CCDC136: variants seen among roughly 807,000 people sequenced by gnomAD.
The protein encoded by CCDC136 is coiled-coil domain containing 136, also known as coiled-coil domain-containing protein 136.
Under a neutral mutation model 141.2 loss-of-function variants are expected in CCDC136, and 100 were observed. That is an observed-to-expected ratio of 0.71 (90% CI 0.60 to 0.84). The LOEUF (loss-of-function observed/expected upper bound fraction) is 0.84, where lower values mean the gene tolerates loss of function less well. Among genes scored for constraint, CCDC136 ranks in the 40% least tolerant of loss-of-function variants. The probability of loss-of-function intolerance (pLI) is 0.00; values close to 1 mark genes in which losing one functional copy is unlikely to be tolerated. For synonymous variants in CCDC136, 474 were observed against 531.9 expected, an observed-to-expected ratio of 0.89 and a Z score of 1.50; for missense variants, 1,206 against 1,379.4, an observed-to-expected ratio of 0.87 and a Z score of 1.99.
intron 4 of CCDC136, 50 bp downstream of exon 4, chr7:128,801,559 T>A: frequency 7.8e-7 from 1 of 1,279,882 alleles, no homozygotes; most frequent in Non-Finnish European, 1.1e-6. Flanking sequence ...GGAAAGGAGA[T>A]AATATATAGG....
Position 128,807,550 on chromosome 7 carries a change from T to C in CCDC136, c.1605+5T>C. ...AAAGGAAAGTGTGCTAATAAGGTAA[T>C]TGTCGTTCAGAGAGGTGACAGCTCC... On this transcript the variant is annotated splice_donor_5th_base_variant and intron_variant, in intron 10 of 17. Coordinates refer to ENST00000297788, the MANE Select transcript of CCDC136 (RefSeq NM_022742.5). The C allele has an allele frequency of 7.2e-7, 1 of 1,390,050 alleles. No homozygotes were observed. The highest frequency in any genetic ancestry group is 9.5e-7 in the Non-Finnish European group (1 of 1,056,272). The allele number at this position is 1,390,050 out of a possible 1,614,324, so 86.1% of individuals were successfully genotyped here. A position where few individuals can be genotyped will look rare whatever the true frequency, so the allele number is the denominator to read the frequency against.
chr7:128,818,371 TC>T (rs1242657969), intron 17 of CCDC136: 1 of 158,878 alleles, frequency 6.3e-6, no homozygotes, highest in Non-Finnish European at 1.4e-5. Context: ...AGAGCTCTGA[TC>T]CTCATGATCC....
chr7:128,812,602 C>A (rs1052985799), intron 13 of CCDC136, 106 bp from the exon 14 acceptor site: 5 of 897,576 alleles, frequency 5.6e-6, no homozygotes, highest in Non-Finnish European at 8.9e-6. Flanking sequence ...GCGGGCATCT[C>A]TGGATCCTGG....
At chr7:128,803,402 C>G (rs890686927) in intron 4 of CCDC136, among the ~76,000 whole-genome samples, 2 of 152,148 alleles carry the variant, frequency 1.3e-5, no homozygotes, top group Non-Finnish European at 2.9e-5. Flanking sequence ...TGTACTCCCA[C>G]CACTTTGGGA....
chr7:128,811,321 C>A (rs987652879), intron 12 of CCDC136: 5 of 456,692 alleles, frequency 1.1e-5, no homozygotes, highest in African/African-American at 1.0e-4. Flanking sequence ...AGGCCAGATT[C>A]AGAATTGGGG....
At chr7:128,814,482 C>A (rs1259611284) in intron 14 of CCDC136, among the ~76,000 whole-genome samples, 156 bp from the exon 15 acceptor site, 1 of 152,160 alleles carries the variant, frequency 6.6e-6, no homozygotes, top group Non-Finnish European at 1.5e-5. Flanking sequence ...TCATTTTCCA[C>A]CGTTGAATAT....
At position 128,801,382 on chromosome 7, in the gene CCDC136, A is replaced by T. The variant is rs1226348840; in HGVS notation, c.543A>T (p.Glu181Asp). The T allele has an allele frequency of 6.2e-7, 1 of 1,613,502 alleles. No homozygotes were observed. The highest frequency in any genetic ancestry group is 8.5e-7 in the Non-Finnish European group (1 of 1,179,692). The change falls in exon 4 of 18, where the codon GAA becomes GAT. Residue 181 changes from glutamate to aspartate, a missense_variant. Transcript: ENST00000297788. ...LQEDLCRMQN[E>D]LEDMERIRGD... ...AGGATCTCTGCCGGATGCAGAATGA[A>T]CTTGAAGACATGGAACGCATTCGGG...
intron 4 of CCDC136, among the ~76,000 whole-genome samples, chr7:128,802,883 TG>T (rs1804257516): frequency 6.6e-6 from 1 of 152,226 alleles, no homozygotes; most frequent in Non-Finnish European, 1.5e-5. Flanking sequence ...TTAAATGAAA[TG>T]TGAAGCATGT....
At chr7:128,799,725 G>A (rs1326705082) in intron 3 of CCDC136, among the ~76,000 whole-genome samples, 1 of 152,120 alleles carries the variant, frequency 6.6e-6, no homozygotes, top group Non-Finnish European at 1.5e-5. Flanking sequence ...GGGGGAAGGG[G>A]ATGGGAGAAT....
At chr7:128,809,281 A>G (rs532057016) in intron 10 of CCDC136, 169 bp from the exon 11 acceptor site, 76 of 573,086 alleles carry the variant, frequency 1.3e-4, no homozygotes, top group East Asian at 1.1e-3. Context: ...GGGATCCCCA[A>G]TCGGTATCTA....
upstream of CCDC136, chr7:128,791,901 T>G: frequency 2.0e-6 from 1 of 500,378 alleles, no homozygotes. The surrounding 1 kb of genome is among the most constrained non-coding windows in gnomAD (Gnocchi z 7.1). Context: ...AGCGAGAGAA[T>G]GGGAGGAGAG....
In CCDC136 at chr7:128,813,334, C is replaced by T. The variant is rs551664055; in HGVS notation, c.2763+405C>T. Among the ~76,000 whole-genome samples, 39 of 152,298 alleles carry T rather than the reference C, an allele frequency of 2.6e-4. No homozygotes were observed. The East Asian group carries it at 2.7e-3, about 11-fold the overall frequency. ...CAGGGACATGTCTCCTTTTGGATCG[C>T]TCACAATGCCAAGAAGAGTGCTCTG... is the stretch of plus-strand genomic sequence containing the variant. On this transcript the variant is annotated intron_variant, in intron 14 of 17. Transcript: ENST00000297788.
At chr7:128,818,042 A>C in intron 17 of CCDC136, 178 bp downstream of exon 17, 1 of 591,900 alleles carries the variant, frequency 1.7e-6, no homozygotes. Context: ...AAAGCCTCTG[A>C]CATCTCTGAG....
chr7:128,791,636 G>A, upstream of CCDC136: 1 of 870,706 alleles, frequency 1.1e-6, no homozygotes. This position sits in a 1 kb window ranked among gnomAD's most constrained non-coding sequence, Gnocchi z 7.1. Flanking sequence ...AGGTGCTCCC[G>A]GCCTCCGCGG....
At chr7:128,810,445 C>A in intron 12 of CCDC136, 79 bp downstream of exon 12, 1 of 1,068,856 alleles carries the variant, frequency 9.4e-7, no homozygotes, top group South Asian at 1.5e-5. Flanking sequence ...GCCGAAGGGT[C>A]AGAGTTGGGA....
chr7:128,805,277 A>G lies in CCDC136; in HGVS notation c.783-82A>G. 8.2e-7 allele frequency: 1 copy of G among 1,216,650 alleles called. No individual in the cohort carries two copies. Among genetic ancestry groups the G allele is most frequent in the Non-Finnish European group, 1.2e-6 (1 of 840,560 alleles). 75.4% of individuals were successfully genotyped at this position (1,216,650 alleles called of 1,614,324 possible). ...CCCTTACTATCTTTGGCCTAAAATG[A>G]AGGTATCAGGACAAAGCCTGCATGG... On this transcript the variant is annotated intron_variant, in intron 5 of 17. Coordinates refer to ENST00000297788, the MANE Select transcript of CCDC136 (RefSeq NM_022742.5). The surrounding 1 kb of genome is among the most constrained non-coding windows in gnomAD (Gnocchi z 4.6).
chr7:128,813,141 C>G (rs939663674), intron 14 of CCDC136, among the ~76,000 whole-genome samples: 4 of 152,238 alleles, frequency 2.6e-5, no homozygotes, highest in Admixed American at 2.0e-4. Flanking sequence ...AATGATTTCT[C>G]TCTTTCTCCC....
At chr7:128,808,252 G>A (rs1225580179) in intron 10 of CCDC136, among the ~76,000 whole-genome samples, 4 of 152,162 alleles carry the variant, frequency 2.6e-5, no homozygotes, top group Admixed American at 2.6e-4. Context: ...GGTCAGGCTG[G>A]TCTCGAACTC....
Position 128,806,290 on chromosome 7 carries a change from C to A in CCDC136, c.1143C>A (p.Ser381Arg), listed in dbSNP as rs756839463. ...LCTLQKKYDT[S>R]QDEQNELLKM... ...CCCTGCAGAAAAAATATGATACTAGCCAGGATGAGCAGAACGAGCTCTTGA... is the reference window on the plus strand; with the variant it reads ...CCCTGCAGAAAAAATATGATACTAGACAGGATGAGCAGAACGAGCTCTTGA... The change falls in exon 8 of 18, where the codon AGC becomes AGA. Residue 381 changes from serine (S) to arginine (R), a missense_variant. Transcript: ENST00000297788. 13 of 1,583,870 alleles carry A rather than the reference C, an allele frequency of 8.2e-6. No individual in the cohort carries two copies. The Middle Eastern group carries it at 9.9e-4, about 121-fold the overall frequency.
Sources: gnomAD v4.1 joint callset for allele counts (sites outside exome capture counted in the v4.1 genomes callset) on GRCh38, gnomAD v4.1.1 for gene constraint, Gnocchi (gnomAD v3.1) non-coding constraint, MANE v1.5 for transcripts, NCBI Gene and HGNC (gene_info 2026-07-23, HGNC 2026-07-21) for gene names.